The following IL34 variants were observed in gnomAD, a reference collection of about 807,000 sequenced individuals.
The protein encoded by IL34 is interleukin-34.
A neutral mutation model predicts 25.3 loss-of-function variants in IL34; 17 were observed. That is an observed-to-expected ratio of 0.67 (90% CI 0.46 to 1.01). The LOEUF is 1.01. IL34 is among the 50% of genes least tolerant of loss of function. The pLI is 0.00. For synonymous variants in IL34, 174 were observed against 140.9 expected (o/e 1.23, Z -1.66); for missense variants, 368 against 312.9 (o/e 1.18, Z -1.33).
At position 70,660,392 on chromosome 16, in the gene IL34, G is replaced by T; in HGVS notation, c.*205G>T. ...TAGCTGTCATGGCCTCACCTGGAGCGGAGGGGACCTGGGGACCTGAAGGTG... is the reference window on the plus strand; with the variant it reads ...TAGCTGTCATGGCCTCACCTGGAGCTGAGGGGACCTGGGGACCTGAAGGTG... On this transcript the variant is annotated 3_prime_UTR_variant, in exon 6 of 6. Coordinates refer to ENST00000288098, the MANE Select transcript of IL34 (RefSeq NM_001393494.1). The T allele has an allele frequency of 1.9e-6, 1 of 513,582 alleles. No homozygotes were observed. The highest frequency in any genetic ancestry group is 3.2e-5 in the East Asian group (1 of 30,970). 31.8% of individuals were successfully genotyped at this position (513,582 alleles called of 1,614,324 possible).
intron 1 of IL34, among the ~76,000 whole-genome samples, chr16:70,605,134 C>A (rs1040139424): frequency 2.6e-5 from 4 of 151,750 alleles, no homozygotes; most frequent in African/African-American, 9.7e-5. Context: ...GGAGATCTGA[C>A]TCCCTGGAGA....
At chr16:70,592,457 C>T (rs1408936452) in intron 1 of IL34, among the ~76,000 whole-genome samples, 3 of 152,112 alleles carry the variant, frequency 2.0e-5, no homozygotes, top group South Asian at 2.1e-4. Context: ...CTTAACCCAA[C>T]CCTGGAAGGT....
intron 1 of IL34, among the ~76,000 whole-genome samples, chr16:70,617,801 G>T (rs1420125672): frequency 6.6e-6 from 1 of 151,942 alleles, no homozygotes; most frequent in Non-Finnish European, 1.5e-5. Flanking sequence ...ACTAATAAAG[G>T]CTCGTCTGTT....
intron 1 of IL34, among the ~76,000 whole-genome samples, chr16:70,614,515 A>G (rs2051145226): frequency 6.6e-6 from 1 of 152,208 alleles, no homozygotes. Flanking sequence ...TTCAACAGTG[A>G]TGGGAGCCGA....
At chr16:70,638,366 C>T (rs1021246693) in intron 1 of IL34, among the ~76,000 whole-genome samples, 5 of 151,278 alleles carry the variant, frequency 3.3e-5, no homozygotes, top group Non-Finnish European at 5.9e-5. Context: ...ATAGTCCCAG[C>T]AACTTGGGAG....
intron 1 of IL34, among the ~76,000 whole-genome samples, chr16:70,650,313 C>T (rs188965899): frequency 6.7e-4 from 102 of 152,288 alleles, no homozygotes; most frequent in African/African-American, 2.3e-3. Context: ...TTGCCCTTAG[C>T]AATGATGTTT....
intron 1 of IL34, among the ~76,000 whole-genome samples, chr16:70,626,692 G>A (rs1172320828): frequency 6.6e-6 from 1 of 152,058 alleles, no homozygotes; most frequent in Non-Finnish European, 1.5e-5. Context: ...CACCACACCC[G>A]GCCAAAAACA....
intron 1 of IL34, among the ~76,000 whole-genome samples, chr16:70,630,865 G>T (rs933812534): frequency 3.3e-5 from 5 of 152,152 alleles, no homozygotes; most frequent in Non-Finnish European, 5.9e-5. Flanking sequence ...GAGCCACCAA[G>T]CTCGGGTCAC....
chr16:70,628,167 C>T (rs973256488), intron 1 of IL34, among the ~76,000 whole-genome samples: 4 of 151,982 alleles, frequency 2.6e-5, no homozygotes, highest in Non-Finnish European at 4.4e-5. Flanking sequence ...TAATTGTGGT[C>T]GAGCACCTTA....
At chr16:70,615,923 A>G (rs1293564682) in intron 1 of IL34, among the ~76,000 whole-genome samples, 2 of 152,208 alleles carry the variant, frequency 1.3e-5, no homozygotes, top group East Asian at 3.8e-4. Flanking sequence ...ACTGCACTCC[A>G]GCGTGGGTGA....
intron 1 of IL34, among the ~76,000 whole-genome samples, chr16:70,628,417 TTTG>T (rs1384710361): frequency 2.0e-5 from 3 of 152,090 alleles, no homozygotes; most frequent in African/African-American, 4.8e-5. Context: ...TTTTACATTT[TTTG>T]TTGTTATGTA....
At chr16:70,586,599 C>G (rs996851803) in intron 1 of IL34, among the ~76,000 whole-genome samples, 2 of 152,230 alleles carry the variant, frequency 1.3e-5, no homozygotes, top group East Asian at 1.9e-4. Context: ...CTCAGAGGAG[C>G]CTTAGTCCTA....
chr16:70,644,983 TAGGAGGAAGGAGGAAGAAGAGGAAG>T (rs2051888004), upstream of IL34, among the ~76,000 whole-genome samples: 1 of 64,566 alleles, frequency 1.5e-5, no homozygotes, highest in African/African-American at 6.2e-5. Context: ...AGAAAGGGAG[TAGGAGGAAGGAGGAAGAAGAGGAAG>T]AGGAGGAAGG....
intron 1 of IL34, among the ~76,000 whole-genome samples, chr16:70,599,324 T>TCTTTCTCTCTTC (rs2050878099): frequency 6.7e-6 from 1 of 148,984 alleles, no homozygotes; most frequent in African/African-American, 2.5e-5. Context: ...TTCTTTTCTT[T>TCTTTCTCTCTTC]CTTTCTCTCT....
chr16:70,636,326 G>C (rs1013022228), intron 1 of IL34, among the ~76,000 whole-genome samples: 1 of 152,062 alleles, frequency 6.6e-6, no homozygotes, highest in African/African-American at 2.4e-5. Flanking sequence ...GTGAGCCACT[G>C]TGCCAGGCCC....
intron 4 of IL34, chr16:70,657,505 T>A (rs8048229): frequency 0.015 from 2,699 of 179,862 alleles, 36 homozygotes; most frequent in African/African-American, 0.036. Context: ...CAGTAAAACA[T>A]GCTGCAGGCC....
intron 1 of IL34, among the ~76,000 whole-genome samples, chr16:70,590,659 A>G (rs1325489475): frequency 6.6e-6 from 1 of 152,098 alleles, no homozygotes; most frequent in Non-Finnish European, 1.5e-5. Flanking sequence ...TCAAATCCTC[A>G]CCATAGCCCT....
At chr16:70,603,361 C>G (rs2050948801) in intron 1 of IL34, among the ~76,000 whole-genome samples, 1 of 152,106 alleles carries the variant, frequency 6.6e-6, no homozygotes. Context: ...CTCACCGCAA[C>G]CTCCACCTCT....
intron 1 of IL34, among the ~76,000 whole-genome samples, chr16:70,623,915 T>C (rs1301933220): frequency 6.8e-6 from 1 of 148,086 alleles, no homozygotes; most frequent in Non-Finnish European, 1.5e-5. Flanking sequence ...AAACAGGCCC[T>C]TGAAAAGAAG....
Sources: gnomAD v4.1 joint callset for allele counts (sites outside exome capture counted in the v4.1 genomes callset) on GRCh38, gnomAD v4.1.1 for gene constraint, MANE v1.5 for transcripts, NCBI Gene and HGNC (gene_info 2026-07-23, HGNC 2026-07-21) for gene names.